The following AHCYL2 variants were observed in gnomAD, a reference collection of about 807,000 sequenced individuals.
AHCYL2 encodes adenosylhomocysteinase like 2, also known as S-adenosylhomocysteine hydrolase-like protein 2.
AHCYL2 carries 28 observed loss-of-function variants against 81.4 expected under a neutral mutation model. The observed-to-expected ratio is 0.34, with a 90% CI of 0.25 to 0.47. The LOEUF is 0.47. Among genes scored for constraint, AHCYL2 ranks in the 20% least tolerant of loss-of-function variants. The pLI, the probability that AHCYL2 is intolerant of heterozygous loss-of-function variation, is 1.00. For synonymous variants in AHCYL2, 272 were observed against 290.2 expected (o/e 0.94, Z 0.64); for missense variants, 551 against 785.1 (o/e 0.70, Z 3.56).
Position 129,389,142 on chromosome 7 carries a change from G to A in AHCYL2, c.562G>A (p.Val188Ile). Residue 188 changes from valine (V) to isoleucine (I), a missense_variant, in exon 3 of 17, where the codon GTT (valine) becomes ATT (isoleucine). Physicochemically the swap from Val to Ile is conservative, Grantham distance 29. This residue lies in a region of AHCYL2 where 316 missense variants were observed against 543.1 expected (regional missense o/e 0.58). Coordinates refer to ENST00000325006, the MANE Select transcript of AHCYL2 (RefSeq NM_015328.4). Reference protein sequence around the residue: ...KNSKGSSDFCVKNIKQAEFGR... With the variant: ...KNSKGSSDFCIKNIKQAEFGR... ...CTCTAAGGGAAGCAGTGACTTCTGT[G>A]TTAAGAACATCAAACAGGCAGAGTT... 6 of 1,613,990 alleles carry A rather than the reference G, an allele frequency of 3.7e-6. No individual in the cohort carries two copies. The highest frequency in any genetic ancestry group is 5.1e-6 in the Non-Finnish European group (6 of 1,179,950).
intron 1 of AHCYL2, among the ~76,000 whole-genome samples, chr7:129,366,177 C>G (rs1794107822): frequency 2.0e-5 from 3 of 152,158 alleles, no homozygotes; most frequent in Admixed American, 1.3e-4. Context: ...ATGACCACAG[C>G]TTCCTTTACT....
rs139114235 is a variant in AHCYL2 at position 129,255,566 on chromosome 7, ATG to A, written c.363+30141_363+30142del. The stretch of plus-strand genomic sequence containing the variant: ...ATAGACACGTCATCTATTTACATGA[ATG>A]TGTGTGTGTGTGTATGTGCGTGTGT... On this transcript the variant is annotated intron_variant, in intron 1 of 16. Coordinates refer to ENST00000325006, the MANE Select transcript of AHCYL2 (RefSeq NM_015328.4). Among the ~76,000 whole-genome samples, 75 of 151,616 alleles carry A rather than the reference ATG, an allele frequency of 4.9e-4. 1 individual carries two copies. The highest frequency in any genetic ancestry group is 1.5e-3 in the African/African-American group (63 of 41,434).
In AHCYL2 at chr7:129,325,309, A is replaced by C. The variant is rs181083213; in HGVS notation, c.364-54329A>C. ...TTACTGGGTATACAATATTAGGTTAACAGGGTTTTTTCGTTTCGGTTTTTA... is the reference window on the plus strand; with the variant it reads ...TTACTGGGTATACAATATTAGGTTACCAGGGTTTTTTCGTTTCGGTTTTTA... On this transcript the variant is annotated intron_variant, in intron 1 of 16. Coordinates refer to ENST00000325006, the MANE Select transcript of AHCYL2 (RefSeq NM_015328.4). 3.0e-4 allele frequency among the ~76,000 whole-genome samples: 45 copies of C among 152,294 alleles called. No individual in the cohort carries two copies. In the East Asian group the frequency reaches 3.7e-3, roughly 12 times the overall value.
At chr7:129,422,999 CCCT>C (rs1797187326) in intron 13 of AHCYL2, 61 bp downstream of exon 13, 1 of 1,398,478 alleles carries the variant, frequency 7.2e-7, no homozygotes, top group South Asian at 1.2e-5. Context: ...TACCCAGGTC[CCCT>C]CCTCCTCATG....
chr7:129,255,082 G>A (rs752004609), intron 1 of AHCYL2, among the ~76,000 whole-genome samples: 3 of 152,026 alleles, frequency 2.0e-5, no homozygotes, highest in Non-Finnish European at 2.9e-5. Context: ...CCAACATGGT[G>A]AACCCCCGTC....
Position 129,368,349 on chromosome 7 carries a change from G to T in AHCYL2, c.364-11289G>T, listed in dbSNP as rs1297452147. ...CTCTTGATTTGAATCGGAGGCTGCT[G>T]TGAAAAGGGATGCAGCTTCTGCTAG... On this transcript the variant is annotated intron_variant, in intron 1 of 16. Coordinates refer to ENST00000325006, the MANE Select transcript of AHCYL2 (RefSeq NM_015328.4). This position sits in a 1 kb window ranked among gnomAD's most constrained non-coding sequence, Gnocchi z 4.4. 6.8e-7 allele frequency: 1 copy of T among 1,478,782 alleles called. No individual in the cohort carries two copies. Among genetic ancestry groups the T allele is most frequent in the Admixed American group, 2.6e-5 (1 of 39,066 alleles). 91.6% of individuals were successfully genotyped at this position (1,478,782 alleles called of 1,614,324 possible).
intron 1 of AHCYL2, among the ~76,000 whole-genome samples, chr7:129,250,763 C>T (rs1386348930): frequency 1.3e-5 from 2 of 152,200 alleles, no homozygotes; most frequent in Non-Finnish European, 2.9e-5. Context: ...TGAATATCAC[C>T]TCTTGACATT....
intron 1 of AHCYL2, among the ~76,000 whole-genome samples, chr7:129,305,702 G>A (rs1293029621): frequency 6.6e-6 from 1 of 152,156 alleles, no homozygotes; most frequent in East Asian, 1.9e-4. Flanking sequence ...TATACCTTCA[G>A]ATGATTTCTT....
chr7:129,256,570 A>T (rs2718083), intron 1 of AHCYL2, among the ~76,000 whole-genome samples: 76,539 of 106,346 alleles, frequency 0.72, 25,957 homozygotes, highest in Middle Eastern at 0.79. Context: ...GCCTTAATCT[A>T]TCTTGTAGCT....
intron 1 of AHCYL2, among the ~76,000 whole-genome samples, chr7:129,339,132 A>G (rs145302985): frequency 6.6e-4 from 100 of 152,242 alleles, no homozygotes; most frequent in Non-Finnish European, 1.1e-3. Flanking sequence ...TGATTCTTCA[A>G]CTTCTCCCTC....
At chr7:129,263,364 G>A (rs1224841540) in intron 1 of AHCYL2, among the ~76,000 whole-genome samples, 12 of 152,284 alleles carry the variant, frequency 7.9e-5, no homozygotes, top group Admixed American at 3.3e-4. Flanking sequence ...ACTTCCCAGC[G>A]TCATTGGCTA....
At chr7:129,295,174 T>A (rs539055733) in intron 1 of AHCYL2, among the ~76,000 whole-genome samples, 3 of 152,344 alleles carry the variant, frequency 2.0e-5, no homozygotes, top group Admixed American at 1.3e-4. Flanking sequence ...AAAGGGAATT[T>A]GATTAGGCAA....
At chr7:129,378,491 G>A (rs906281511) in intron 1 of AHCYL2, among the ~76,000 whole-genome samples, 1 of 152,042 alleles carries the variant, frequency 6.6e-6, no homozygotes, top group Non-Finnish European at 1.5e-5. Context: ...TTGTCTCATT[G>A]AACCCTCTCT....
At chr7:129,266,265 A>T (rs1166854445) in intron 1 of AHCYL2, among the ~76,000 whole-genome samples, 1 of 152,238 alleles carries the variant, frequency 6.6e-6, no homozygotes, top group African/African-American at 2.4e-5. Context: ...AACAAACCAA[A>T]ATTGACTTTG....
rs77406290 is a variant in AHCYL2 at position 129,335,750 on chromosome 7, G to A, written c.364-43888G>A. ...TCAAGATAGTCAGGTTTTTTACATG[G>A]TGGCTCTCTTCTACCAGCGTGTCCC... is the stretch of plus-strand genomic sequence containing the variant. On this transcript the variant is annotated intron_variant, in intron 1 of 16. Transcript: ENST00000325006. Among the ~76,000 whole-genome samples the A allele has an allele frequency of 6.0e-3, 920 of 152,290 alleles. 13 individuals are homozygous for A. Among genetic ancestry groups the A allele is most frequent in the African/African-American group, 0.021 (886 of 41,550 alleles).
chr7:129,371,543 G>A (rs550442971), intron 1 of AHCYL2, among the ~76,000 whole-genome samples: 5 of 152,300 alleles, frequency 3.3e-5, no homozygotes, highest in African/African-American at 1.2e-4. Context: ...TTCATGTGAA[G>A]GATTTTCTTA....
intron 1 of AHCYL2, among the ~76,000 whole-genome samples, chr7:129,312,124 G>C (rs1187817627): frequency 3.3e-5 from 5 of 152,058 alleles, no homozygotes; most frequent in Non-Finnish European, 7.4e-5. Context: ...GAGTAGCTGG[G>C]ACCAGGCTGG....
chr7:129,425,224 C>G (rs1010102489), intron 15 of AHCYL2, 83 bp downstream of exon 15: 5 of 1,241,350 alleles, frequency 4.0e-6, no homozygotes, highest in Non-Finnish European at 5.8e-6. Context: ...CATTAACTTA[C>G]TTAAGGATGG....
intron 10 of AHCYL2, 89 bp from the exon 11 acceptor site, chr7:129,409,387 C>A: frequency 1.1e-6 from 1 of 925,834 alleles, no homozygotes; most frequent in Non-Finnish European, 1.7e-6. Context: ...CAAGAAATGA[C>A]AGCAACTTGA....
Sources: allele counts gnomAD v4.1 joint callset (sites outside exome capture counted in the v4.1 genomes callset), GRCh38; gene constraint gnomAD v4.1.1; regional missense constraint gnomAD v4.1.1; non-coding constraint Gnocchi (gnomAD v3.1); transcripts MANE v1.5; gene names NCBI Gene and HGNC (gene_info 2026-07-23, HGNC 2026-07-21).